ANTXR1: variants seen among roughly 807,000 people sequenced by gnomAD.
ANTXR1 encodes anthrax toxin receptor 1.
ANTXR1 carries 19 observed loss-of-function variants against 78.1 expected under a neutral mutation model. The ratio of observed to expected loss-of-function variants is 0.24; its 90% confidence interval spans 0.17 to 0.36. The LOEUF (loss-of-function observed/expected upper bound fraction) is 0.36, where lower values mean the gene tolerates loss of function less well. Ranked by LOEUF, ANTXR1 falls within the 10% of genes least tolerant of loss-of-function variation. The pLI, the probability that ANTXR1 is intolerant of heterozygous loss-of-function variation, is 1.00. For missense variants in ANTXR1, 518 were observed against 718.6 expected (o/e 0.72, Z 3.19); for synonymous variants, 273 against 260.5 (o/e 1.05, Z -0.46).
At chr2:69,057,612 CATCT>C (rs775083222) in intron 3 of ANTXR1, among the ~76,000 whole-genome samples, 9 of 152,174 alleles carry the variant, frequency 5.9e-5, no homozygotes, top group Admixed American at 1.3e-4. Context: ...GCTCTTCCTC[CATCT>C]GTTTCCCTCT....
At chr2:69,193,527 A>G (rs1270444256) in intron 17 of ANTXR1, 112 bp downstream of exon 17, 6 of 977,460 alleles carry the variant, frequency 6.1e-6, no homozygotes, top group South Asian at 1.3e-5. Context: ...TAGAGCTAAA[A>G]TAACTTTGGA....
In ANTXR1 at chr2:69,145,470, G is replaced by A. The variant is rs1573930839; in HGVS notation, c.952-6699G>A. The A allele has an allele frequency of 2.0e-6, 3 of 1,526,088 alleles. No individual in the cohort carries two copies. The East Asian group carries it at 7.4e-5, about 38-fold the overall frequency. The allele number at this position is 1,526,088 out of a possible 1,614,324, so 94.5% of individuals were successfully genotyped here. On this transcript the variant is annotated intron_variant, in intron 12 of 17. Transcript: ENST00000303714. ...TCGGTTTACACTTTCCTTATTTACT[G>A]AATGAGTGGAGGGCAGAGACAGGCC...
chr2:69,087,324 C>A (rs951514110), intron 8 of ANTXR1, among the ~76,000 whole-genome samples: 11 of 152,294 alleles, frequency 7.2e-5, no homozygotes, highest in African/African-American at 2.4e-4. Flanking sequence ...CAACTTTATG[C>A]TCGTACTTCA....
chr2:69,017,391 T>C lies in ANTXR1; in HGVS notation c.152+3740T>C, dbSNP rs542463006. On this transcript the variant is annotated intron_variant, in intron 1 of 17. Coordinates refer to ENST00000303714, the MANE Select transcript of ANTXR1 (RefSeq NM_032208.3). Reference sequence around the variant, plus strand: ...TCTACAGTCTGAAACCGAGGGATCATAGGGGACTGAATCCACCATTCTTCT... The same window carrying C: ...TCTACAGTCTGAAACCGAGGGATCACAGGGGACTGAATCCACCATTCTTCT... 1.8e-4 allele frequency among the ~76,000 whole-genome samples: 27 copies of C among 152,280 alleles called. No individual in the cohort carries two copies. In the South Asian group the frequency reaches 1.9e-3, roughly 11 times the overall value.
chr2:69,235,774 C>CA (rs199596838), intron 17 of ANTXR1, among the ~76,000 whole-genome samples: 6,824 of 124,596 alleles, frequency 0.055, 486 homozygotes, highest in African/African-American at 0.17. Context: ...AATCACAAAC[C>CA]AAAAAAAAAA....
chr2:69,144,216 C>T lies in ANTXR1; in HGVS notation c.952-7953C>T, dbSNP rs532727439. On this transcript the variant is annotated intron_variant, in intron 12 of 17. Coordinates refer to ENST00000303714, the MANE Select transcript of ANTXR1 (RefSeq NM_032208.3). ...CTTCCTGGTGCTCACAGAGGGACAG[C>T]GGCAGGTGTGCAGAGGCCTCCAGCC... Among the ~76,000 whole-genome samples the T allele has an allele frequency of 1.6e-4, 24 of 152,286 alleles. No individual in the cohort carries two copies. In the East Asian group the frequency reaches 4.2e-3, roughly 27 times the overall value.
intron 17 of ANTXR1, among the ~76,000 whole-genome samples, chr2:69,226,440 A>G (rs1675455018): frequency 1.3e-5 from 2 of 152,144 alleles, no homozygotes; most frequent in African/African-American, 4.8e-5. Flanking sequence ...AGGAAGGCAA[A>G]GGTCAAGCTA....
chr2:69,188,616 T>C (rs1257841023), intron 16 of ANTXR1, among the ~76,000 whole-genome samples: 1 of 152,258 alleles, frequency 6.6e-6, no homozygotes, highest in African/African-American at 2.4e-5. Flanking sequence ...GAAAGCTATT[T>C]ATAAATGTCA....
chr2:69,145,797 C>T, intron 12 of ANTXR1: 2 of 992,328 alleles, frequency 2.0e-6, no homozygotes, highest in Non-Finnish European at 2.4e-6. Context: ...CCGTATCATC[C>T]AGAGGCCTGG....
At chr2:69,209,510 A>G (rs559877307) in intron 17 of ANTXR1, among the ~76,000 whole-genome samples, 2 of 152,346 alleles carry the variant, frequency 1.3e-5, no homozygotes, top group African/African-American at 4.8e-5. Flanking sequence ...CCTTTCATGG[A>G]GTTTGTATCC....
intron 16 of ANTXR1, among the ~76,000 whole-genome samples, chr2:69,185,232 A>T (rs1674388336): frequency 6.6e-6 from 1 of 152,216 alleles, no homozygotes; most frequent in Non-Finnish European, 1.5e-5. Context: ...TCTGGGTTTT[A>T]ACAAGCTGAG....
At chr2:69,189,726 G>A (rs917654818) in intron 16 of ANTXR1, among the ~76,000 whole-genome samples, 7 of 152,226 alleles carry the variant, frequency 4.6e-5, no homozygotes, top group African/African-American at 1.4e-4. Context: ...ACATGAGCAG[G>A]TGGCAGAGAG....
intron 13 of ANTXR1, among the ~76,000 whole-genome samples, chr2:69,154,416 C>T (rs897704893): frequency 4.6e-5 from 7 of 152,122 alleles, no homozygotes; most frequent in Non-Finnish European, 1.0e-4. Flanking sequence ...CACTTGCTTC[C>T]TTGATGAGGG....
chr2:69,196,871 C>A (rs558984523), intron 17 of ANTXR1, among the ~76,000 whole-genome samples: 3 of 152,202 alleles, frequency 2.0e-5, no homozygotes, highest in Non-Finnish European at 4.4e-5. Context: ...CATCCTCCCC[C>A]CAGCTACTCC....
intron 14 of ANTXR1, among the ~76,000 whole-genome samples, chr2:69,173,868 A>G (rs1022815634): frequency 1.3e-5 from 2 of 152,218 alleles, no homozygotes; most frequent in Non-Finnish European, 2.9e-5. Flanking sequence ...TTCCTTTCCC[A>G]TGTCCTGTCT....
chr2:69,193,464 T>TCTCTCTCTCTCTCTCTCTCTCTC (rs1674593169), intron 17 of ANTXR1, 49 bp downstream of exon 17: 1 of 1,005,870 alleles, frequency 9.9e-7, no homozygotes, highest in African/African-American at 1.7e-5. Context: ...CTCTCTCACA[T>TCTCTCTCTCTCTCTCTCTCTCTC]ACACACACAC....
chr2:69,158,588 C>T (rs1673592344), intron 13 of ANTXR1, among the ~76,000 whole-genome samples: 1 of 152,216 alleles, frequency 6.6e-6, no homozygotes, highest in African/African-American at 2.4e-5. Context: ...GGTATGAAAG[C>T]TGTGTGCATT....
intron 17 of ANTXR1, among the ~76,000 whole-genome samples, chr2:69,218,963 T>A (rs913400043): frequency 3.3e-5 from 5 of 152,224 alleles, no homozygotes; most frequent in African/African-American, 1.2e-4. Context: ...GGAGCCTTAA[T>A]AACTGCTCCG....
At chr2:69,183,598 T>C (rs10183180) in intron 16 of ANTXR1, among the ~76,000 whole-genome samples, 2,948 of 139,690 alleles carry the variant, frequency 0.021, 106 homozygotes, top group African/African-American at 0.076. Flanking sequence ...TTTTTTTTTT[T>C]TGAGGGACGG....
Sources: gnomAD v4.1 joint callset for allele counts (sites outside exome capture counted in the v4.1 genomes callset) on GRCh38, gnomAD v4.1.1 for gene constraint, MANE v1.5 for transcripts, NCBI Gene and HGNC (gene_info 2026-07-23, HGNC 2026-07-21) for gene names.